Variants in SLC2A13 observed in about 807,000 individuals in gnomAD.
SLC2A13 encodes solute carrier family 2 member 13.
A neutral mutation model predicts 64.4 loss-of-function variants in SLC2A13; 32 were observed. The ratio of observed to expected loss-of-function variants is 0.50; its 90% CI spans 0.37 to 0.67. The LOEUF (loss-of-function observed/expected upper bound fraction) is 0.67. Ranked by LOEUF, SLC2A13 falls within the 30% of genes least tolerant of loss-of-function variation. The probability of loss-of-function intolerance (pLI) is 0.00; values close to 1 mark genes in which losing one functional copy is unlikely to be tolerated. For missense variants in SLC2A13, 743 were observed against 829.2 expected, an observed-to-expected ratio of 0.90 and a Z score of 1.28; for synonymous variants, 338 against 327.1, an observed-to-expected ratio of 1.03 and a Z score of -0.36.
At chr12:39,948,889 A>G (rs964994561) in intron 4 of SLC2A13, among the ~76,000 whole-genome samples, 5 of 152,178 alleles carry the variant, frequency 3.3e-5, no homozygotes, top group Non-Finnish European at 7.4e-5. Flanking sequence ...TAAAATTTCT[A>G]CTAAAAATAA....
chr12:39,812,352 C>CTT (rs1285404123), intron 7 of SLC2A13, among the ~76,000 whole-genome samples: 2 of 127,856 alleles, frequency 1.6e-5, no homozygotes, highest in Non-Finnish European at 3.3e-5. Flanking sequence ...CTTTTCTTTT[C>CTT]TTTTCTTTTC....
At chr12:39,840,024 C>T (rs1943137847) in intron 6 of SLC2A13, among the ~76,000 whole-genome samples, 1 of 151,214 alleles carries the variant, frequency 6.6e-6, no homozygotes, top group African/African-American at 2.4e-5. Flanking sequence ...ACTCTCCATT[C>T]TTTTTTTTTG....
intron 4 of SLC2A13, among the ~76,000 whole-genome samples, chr12:39,928,105 AGCAACATTATTTT>A (rs765227282): frequency 6.6e-6 from 1 of 152,236 alleles, no homozygotes; most frequent in Non-Finnish European, 1.5e-5. Context: ...TCTTTCCTAT[AGCAACATTATTTT>A]GAAAAGGGAA....
chr12:40,082,437 T>A lies in SLC2A13; in HGVS notation c.556+22816A>T, dbSNP rs141715529. The stretch of plus-strand genomic sequence containing the variant: ...CTCCTACAGAAGCTCTCTGTGAGGA[T>A]GGATATTCTAACAAAAGAGCTATGG... On this transcript the variant is annotated intron_variant, in intron 1 of 9. Transcript: ENST00000280871. 2.4e-3 allele frequency among the ~76,000 whole-genome samples: 371 copies of A among 152,256 alleles called. 1 individual carries two copies. Among genetic ancestry groups the A allele is most frequent in the African/African-American group, 8.4e-3 (348 of 41,544 alleles).
At chr12:39,940,960 T>G (rs1391281732) in intron 4 of SLC2A13, among the ~76,000 whole-genome samples, 1 of 152,068 alleles carries the variant, frequency 6.6e-6, no homozygotes, top group South Asian at 2.1e-4. Flanking sequence ...TGAGAACATA[T>G]GATGTTTGGT....
At chr12:39,805,075 C>A (rs1477485520) in intron 7 of SLC2A13, among the ~76,000 whole-genome samples, 1 of 8,718 alleles carries the variant, frequency 1.1e-4, no homozygotes, top group East Asian at 4.5e-3. Context: ...GCCTGCTGGG[C>A]AGGCAAGAAC....
At chr12:40,010,774 C>T (rs950334144) in intron 3 of SLC2A13, among the ~76,000 whole-genome samples, 4 of 152,084 alleles carry the variant, frequency 2.6e-5, no homozygotes, top group South Asian at 4.1e-4. Context: ...TGCCTAATTA[C>T]AGCAACCAGC....
intron 7 of SLC2A13, among the ~76,000 whole-genome samples, chr12:39,799,170 C>T (rs1051467824): frequency 2.6e-5 from 4 of 151,154 alleles, no homozygotes. Context: ...GCAACCTCCG[C>T]CTCCCAGGTT....
At chr12:39,895,821 T>C (rs1944787111) in intron 4 of SLC2A13, among the ~76,000 whole-genome samples, 2 of 104,718 alleles carry the variant, frequency 1.9e-5, no homozygotes, top group African/African-American at 7.8e-5. Context: ...CGTACACACA[T>C]GTATATGCGT....
intron 4 of SLC2A13, among the ~76,000 whole-genome samples, chr12:39,894,193 G>T (rs1338360993): frequency 6.6e-6 from 1 of 152,194 alleles, no homozygotes; most frequent in East Asian, 1.9e-4. Context: ...AATGGACTCT[G>T]CAAACTTTCA....
At position 39,767,730 on chromosome 12, in the gene SLC2A13, A is replaced by G. The variant is rs573424683; in HGVS notation, c.1446-2872T>C. On this transcript the variant is annotated intron_variant, in intron 7 of 9. Transcript: ENST00000280871. ...AGTCTCCACGTTGTGGGAGAAACCC[A>G]GTGGGAGGTAATTGAATCACGGGGG... is the stretch of plus-strand genomic sequence containing the variant. Among the ~76,000 whole-genome samples the G allele has an allele frequency of 4.6e-5, 7 of 152,216 alleles. No individual in the cohort carries two copies. In the South Asian group the frequency reaches 1.4e-3, roughly 32 times the overall value.
At chr12:39,853,545 TTTTC>T (rs201670050) in intron 6 of SLC2A13, among the ~76,000 whole-genome samples, 2,338 of 152,036 alleles carry the variant, frequency 0.015, 60 homozygotes, top group African/African-American at 0.048. Flanking sequence ...CTTTCTTTTC[TTTTC>T]TTTCTTTCTT....
chr12:39,971,848 GC>G (rs1043518046), intron 3 of SLC2A13, among the ~76,000 whole-genome samples: 7 of 150,970 alleles, frequency 4.6e-5, no homozygotes, highest in African/African-American at 1.7e-4. Context: ...GTTGGTTTGC[GC>G]CTGTAATCCC....
At chr12:40,062,351 A>T (rs868497489) in intron 1 of SLC2A13, among the ~76,000 whole-genome samples, 8 of 146,290 alleles carry the variant, frequency 5.5e-5, no homozygotes, top group Admixed American at 4.9e-4. Context: ...AAAAAAACTA[A>T]ATTTCTTACT....
chr12:39,958,397 G>A (rs1408197096), intron 3 of SLC2A13, among the ~76,000 whole-genome samples: 1 of 152,114 alleles, frequency 6.6e-6, no homozygotes, highest in African/African-American at 2.4e-5. Context: ...AGTCTCCATC[G>A]CCCCTTCAGT....
At chr12:40,045,752 A>C (rs1269755700) in intron 2 of SLC2A13, among the ~76,000 whole-genome samples, 2 of 152,240 alleles carry the variant, frequency 1.3e-5, no homozygotes, top group East Asian at 3.9e-4. Context: ...ATTGCCAGAA[A>C]AATAAACATG....
At chr12:39,811,683 ATGTCT>A (rs1338306173) in intron 7 of SLC2A13, among the ~76,000 whole-genome samples, 2 of 152,168 alleles carry the variant, frequency 1.3e-5, no homozygotes, top group African/African-American at 4.8e-5. Flanking sequence ...TAAGAATTGT[ATGTCT>A]TGATGAATTG....
intron 4 of SLC2A13, among the ~76,000 whole-genome samples, chr12:39,920,518 T>G (rs1359935367): frequency 6.6e-6 from 1 of 152,076 alleles, no homozygotes; most frequent in Non-Finnish European, 1.5e-5. Context: ...GGAAACCGAA[T>G]AGTATAGTAG....
intron 1 of SLC2A13, among the ~76,000 whole-genome samples, chr12:40,092,143 T>C (rs1336470615): frequency 3.3e-5 from 5 of 152,088 alleles, no homozygotes; most frequent in Admixed American, 3.3e-4. Flanking sequence ...GCAAGAATGG[T>C]TTCACAAGTA....
Sources: allele counts gnomAD v4.1 joint callset (sites outside exome capture counted in the v4.1 genomes callset), GRCh38; gene constraint gnomAD v4.1.1; transcripts MANE v1.5; gene names NCBI Gene and HGNC (gene_info 2026-07-23, HGNC 2026-07-21).